The following RFX2 variants were observed in gnomAD, a reference collection of about 807,000 sequenced individuals.
RFX2 encodes DNA-binding protein RFX2.
RFX2 carries 20 observed loss-of-function variants against 87.8 expected under a neutral mutation model. That is an observed-to-expected ratio of 0.23 (90% confidence interval 0.16 to 0.33). The LOEUF (loss-of-function observed/expected upper bound fraction) is 0.33. Among genes scored for constraint, RFX2 ranks in the 10% least tolerant of loss-of-function variants. The pLI is 1.00. For missense variants in RFX2, 767 were observed against 1,012.3 expected, an observed-to-expected ratio of 0.76 and a Z score of 3.29; for synonymous variants, 397 against 431.3, an observed-to-expected ratio of 0.92 and a Z score of 0.98.
intron 1 of RFX2, among the ~76,000 whole-genome samples, chr19:6,087,884 G>A (rs1381123001): frequency 6.6e-6 from 1 of 152,134 alleles, no homozygotes; most frequent in East Asian, 1.9e-4. Context: ...CAGGTGCTGG[G>A]TTTCTCCACA....
Position 6,026,138 on chromosome 19 carries a change from G to T in RFX2, c.597+25C>A. 6.3e-7 allele frequency: 1 copy of T among 1,595,316 alleles called. No individual in the cohort carries two copies. Among genetic ancestry groups the T allele is most frequent in the South Asian group, 1.1e-5 (1 of 89,834 alleles). On this transcript the variant is annotated intron_variant, in intron 6 of 17. Coordinates refer to ENST00000303657, the MANE Select transcript of RFX2 (RefSeq NM_000635.4). This position sits in a 1 kb window ranked among gnomAD's most constrained non-coding sequence, Gnocchi z 4.5. ...CAGGTTACAAGCAGAGCAGGGACAGGTTGCCAGGTCAGACGCACACTTACA... is the reference window on the plus strand; with the variant it reads ...CAGGTTACAAGCAGAGCAGGGACAGTTTGCCAGGTCAGACGCACACTTACA...
At chr19:6,073,656 A>G (rs1332979485) in intron 1 of RFX2, 2 of 263,048 alleles carry the variant, frequency 7.6e-6, no homozygotes, top group Non-Finnish European at 1.5e-5. Context: ...TTAAAGATGG[A>G]AAGAAGGAAG....
intron 1 of RFX2, among the ~76,000 whole-genome samples, chr19:6,108,979 A>G (rs2088264282): frequency 6.6e-6 from 1 of 151,738 alleles, no homozygotes; most frequent in Non-Finnish European, 1.5e-5. Flanking sequence ...CGGAGGGAGG[A>G]AAAAGAAAGA....
rs149278508 is a variant in RFX2, at chr19:6,023,284, G to A, written c.597+2879C>T. The A allele has an allele frequency of 6.6e-5, 10 of 152,412 alleles. No individual in the cohort carries two copies. Among genetic ancestry groups the A allele is most frequent in the African/African-American group, 2.2e-4 (9 of 41,576 alleles). The allele number at this position is 152,412 out of a possible 1,614,324, so 9.4% of individuals were successfully genotyped here. A position where few individuals can be genotyped will look rare whatever the true frequency, so the allele number is the denominator to read the frequency against. ...CACACACTTGGCTTATCTGCCACAG[G>A]GTCAGGCTGGCAGGGGAGGTGGCAC... is the stretch of plus-strand genomic sequence containing the variant. On this transcript the variant is annotated intron_variant, in intron 6 of 17. Coordinates refer to ENST00000303657, the MANE Select transcript of RFX2 (RefSeq NM_000635.4). The surrounding 1 kb of genome is among the most constrained non-coding windows in gnomAD (Gnocchi z 4.9).
chr19:6,095,963 C>T (rs999876539), intron 1 of RFX2, among the ~76,000 whole-genome samples: 1 of 152,348 alleles, frequency 6.6e-6, no homozygotes, highest in Non-Finnish European at 1.5e-5. Flanking sequence ...CAAGCTCTCA[C>T]ATGTTGTCTA....
Position 6,001,738 on chromosome 19 carries a change from G to C in RFX2, c.1859+77C>G. 1 of 1,313,622 alleles carries C rather than the reference G, an allele frequency of 7.6e-7. No homozygotes were observed. The allele number at this position is 1,313,622 out of a possible 1,614,324, so 81.4% of individuals were successfully genotyped here. ...CTGTTTTGCTCTGAGCTCACCAGCC[G>C]AGCCCCCTACCCTCTAGAAGTTTCT... is the stretch of plus-strand genomic sequence containing the variant. On this transcript the variant is annotated intron_variant, in intron 15 of 17. Transcript: ENST00000303657. The surrounding 1 kb of genome is among the most constrained non-coding windows in gnomAD (Gnocchi z 5.6).
Position 6,110,197 on chromosome 19 carries a change from G to A in RFX2, c.-9+196C>T, listed in dbSNP as rs1403996693. On this transcript the variant is annotated intron_variant, in intron 1 of 17. Transcript: ENST00000303657. The surrounding 1 kb of genome is among the most constrained non-coding windows in gnomAD (Gnocchi z 4.3). Reference sequence around the variant, plus strand: ...CCGCGTTCAGTCAATAAGGAAAGTGGGGACGTCGCCAGGGTCCCCCCAAAC... The same window carrying A: ...CCGCGTTCAGTCAATAAGGAAAGTGAGGACGTCGCCAGGGTCCCCCCAAAC... 6.7e-6 allele frequency among the ~76,000 whole-genome samples: 1 copy of A among 150,244 alleles called. No individual in the cohort carries two copies. The highest frequency in any genetic ancestry group is 2.4e-5 in the African/African-American group (1 of 40,826).
intron 1 of RFX2, among the ~76,000 whole-genome samples, chr19:6,107,302 A>G (rs1416822974): frequency 6.7e-6 from 1 of 149,094 alleles, no homozygotes; most frequent in African/African-American, 2.5e-5. Flanking sequence ...TCTCAAACAA[A>G]CAAACAAACA....
chr19:6,081,069 G>C (rs959161744), intron 1 of RFX2, among the ~76,000 whole-genome samples: 2 of 151,462 alleles, frequency 1.3e-5, no homozygotes, highest in African/African-American at 4.9e-5. Context: ...AATTGCTAAG[G>C]GAAGCCCCAG....
chr19:6,095,949 G>T (rs8107977), intron 1 of RFX2, among the ~76,000 whole-genome samples: 68,711 of 152,138 alleles, frequency 0.45, 18,215 homozygotes, highest in African/African-American at 0.74. Flanking sequence ...CACACGGCCA[G>T]GCCCAAGCTC....
At chr19:6,081,524 T>G (rs1326217801) in intron 1 of RFX2, among the ~76,000 whole-genome samples, 1 of 152,252 alleles carries the variant, frequency 6.6e-6, no homozygotes, top group Non-Finnish European at 1.5e-5. Context: ...AATTATACTC[T>G]CAGTAAATCA....
chr19:6,028,768 A>G (rs2086920365), intron 5 of RFX2, among the ~76,000 whole-genome samples: 1 of 152,120 alleles, frequency 6.6e-6, no homozygotes, highest in Admixed American at 6.5e-5. Context: ...CTAGCTGACC[A>G]CTAAGGTAAC....
intron 1 of RFX2, chr19:6,072,797 G>A (rs1340278787): frequency 7.9e-6 from 7 of 880,952 alleles, no homozygotes; most frequent in East Asian, 2.6e-5. Flanking sequence ...GCCTACGGAG[G>A]TGGCAGCTGT....
rs1274912497 is a variant in RFX2, at chr19:6,083,729, G to A, written c.-9+26664C>T. ...TGAGACCACAGGTATGTGCCACCATGCCCGGGTAATTTTTTAATTTTTTGT... is the reference window on the plus strand; with the variant it reads ...TGAGACCACAGGTATGTGCCACCATACCCGGGTAATTTTTTAATTTTTTGT... On this transcript the variant is annotated intron_variant, in intron 1 of 17. Transcript: ENST00000303657. The surrounding 1 kb of genome is among the most constrained non-coding windows in gnomAD (Gnocchi z 4.6). Among the ~76,000 whole-genome samples, 2 of 151,842 alleles carry A rather than the reference G, an allele frequency of 1.3e-5. No individual in the cohort carries two copies. The highest frequency in any genetic ancestry group is 4.8e-5 in the African/African-American group (2 of 41,306).
chr19:6,085,659 G>A (rs1247745435), intron 1 of RFX2, among the ~76,000 whole-genome samples: 4 of 152,142 alleles, frequency 2.6e-5, no homozygotes, highest in Admixed American at 2.0e-4. Context: ...GAGTGCTTTT[G>A]ATGTCCTATC....
intron 1 of RFX2, among the ~76,000 whole-genome samples, chr19:6,084,418 A>G (rs1039091198): frequency 1.3e-5 from 2 of 152,200 alleles, no homozygotes; most frequent in Non-Finnish European, 2.9e-5. Flanking sequence ...GTTCAGTAGC[A>G]TTAAGCACAC....
rs1444231851 is a variant in RFX2 at position 5,999,602 on chromosome 19, G to C, written c.1859+2213C>G. On this transcript the variant is annotated intron_variant, in intron 15 of 17. Transcript: ENST00000303657. This position sits in a 1 kb window ranked among gnomAD's most constrained non-coding sequence, Gnocchi z 4.1. ...ATGGCAGAGCCGCATAGTCTATTAGGCGTGTGGTTCCTCTCATTCATTCAC... is the reference window on the plus strand; with the variant it reads ...ATGGCAGAGCCGCATAGTCTATTAGCCGTGTGGTTCCTCTCATTCATTCAC... Among the ~76,000 whole-genome samples the C allele has an allele frequency of 6.6e-6, 1 of 152,128 alleles. No homozygotes were observed. The highest frequency in any genetic ancestry group is 2.4e-5 in the African/African-American group (1 of 41,402).
chr19:6,107,600 G>A (rs1017652491), intron 1 of RFX2, among the ~76,000 whole-genome samples: 3 of 100,288 alleles, frequency 3.0e-5, no homozygotes, highest in African/African-American at 1.3e-4. Context: ...CTGGGTGACA[G>A]AGTGAGACCC....
chr19:6,005,938 G>A lies in RFX2; in HGVS notation c.1402+1074C>T, dbSNP rs76135101. Among the ~76,000 whole-genome samples, 668 of 152,312 alleles carry A rather than the reference G, an allele frequency of 4.4e-3. 7 individuals carry two copies. The East Asian group carries it at 0.071, about 16-fold the overall frequency. ...ACATGGCCCTGGGCCAAGGCCTCCC[G>A]CACAGTGACGGCTCCAGGGCTGCAC... On this transcript the variant is annotated intron_variant, in intron 12 of 17. Coordinates refer to ENST00000303657, the MANE Select transcript of RFX2 (RefSeq NM_000635.4).
Sources: allele counts gnomAD v4.1 joint callset (sites outside exome capture counted in the v4.1 genomes callset), GRCh38; gene constraint gnomAD v4.1.1; non-coding constraint Gnocchi (gnomAD v3.1); transcripts MANE v1.5; gene names NCBI Gene and HGNC (gene_info 2026-07-23, HGNC 2026-07-21).